LSAMP: variants seen among roughly 807,000 people sequenced by gnomAD.
The protein encoded by LSAMP is limbic system-associated membrane protein.
LSAMP carries 7 observed loss-of-function variants against 38.6 expected under a neutral mutation model. The ratio of observed to expected loss-of-function variants is 0.18; its 90% CI spans 0.10 to 0.34. The LOEUF is 0.34. Among genes scored for constraint, LSAMP ranks in the 10% least tolerant of loss-of-function variants. LSAMP has a pLI of 1.00. For missense variants in LSAMP, 313 were observed against 420.0 expected (o/e 0.75, Z 2.23); for synonymous variants, 154 against 166.8 (o/e 0.92, Z 0.59).
intron 1 of LSAMP, among the ~76,000 whole-genome samples, chr3:116,174,759 A>G (rs1372037065): frequency 6.6e-6 from 1 of 151,930 alleles, no homozygotes; most frequent in Non-Finnish European, 1.5e-5. Flanking sequence ...ACTCAATCCA[A>G]ATCATGGACA....
At chr3:116,125,928 G>A (rs1005718991) in intron 1 of LSAMP, among the ~76,000 whole-genome samples, 3 of 152,112 alleles carry the variant, frequency 2.0e-5, no homozygotes, top group Admixed American at 6.6e-5. Flanking sequence ...TCCTTCACAC[G>A]TTAAGAGATA....
chr3:116,422,705 A>C (rs1313078838), intron 1 of LSAMP, among the ~76,000 whole-genome samples: 1 of 152,222 alleles, frequency 6.6e-6, no homozygotes, highest in African/African-American at 2.4e-5. Flanking sequence ...TAATGAATTG[A>C]AATGAATATT....
chr3:115,975,592 T>C (rs769718414), intron 3 of LSAMP, among the ~76,000 whole-genome samples: 2 of 152,180 alleles, frequency 1.3e-5, no homozygotes, highest in South Asian at 2.1e-4. Flanking sequence ...TGAATGGAGA[T>C]GACTCATTCA....
At chr3:115,979,665 T>C (rs1939301902) in intron 3 of LSAMP, among the ~76,000 whole-genome samples, 1 of 152,092 alleles carries the variant, frequency 6.6e-6, no homozygotes, top group Admixed American at 6.5e-5. Flanking sequence ...TTGAGGAATC[T>C]CCATTGCCTA....
intron 1 of LSAMP, among the ~76,000 whole-genome samples, chr3:116,227,758 T>C (rs1452678931): frequency 6.6e-6 from 1 of 152,098 alleles, no homozygotes; most frequent in Admixed American, 6.6e-5. Flanking sequence ...GTTTATTAAA[T>C]AATAAACAGA....
intron 1 of LSAMP, among the ~76,000 whole-genome samples, chr3:116,184,616 T>C (rs979197892): frequency 6.6e-6 from 1 of 151,956 alleles, no homozygotes; most frequent in South Asian, 2.1e-4. Flanking sequence ...GGTTTGAAGA[T>C]TGTGTTGCAG....
At chr3:116,282,137 G>A (rs1051750849) in intron 1 of LSAMP, among the ~76,000 whole-genome samples, 5 of 152,192 alleles carry the variant, frequency 3.3e-5, no homozygotes, top group African/African-American at 1.2e-4. Context: ...CTGCGCTCAT[G>A]CTGGGCAGGA....
intron 1 of LSAMP, among the ~76,000 whole-genome samples, chr3:116,185,030 C>CTTTTTTTTTTTTTTTT (rs368314567): frequency 8.5e-5 from 10 of 117,744 alleles, no homozygotes; most frequent in African/African-American, 1.6e-4. Flanking sequence ...TTCTTTCTTT[C>CTTTTTTTTTTTTTTTT]TTTTTTTTTT....
At chr3:116,065,117 C>CA (rs1157295196) in intron 2 of LSAMP, among the ~76,000 whole-genome samples, 1 of 151,968 alleles carries the variant, frequency 6.6e-6, no homozygotes, top group Admixed American at 6.6e-5. Context: ...CAACATATCC[C>CA]AAAAAAAGTC....
At chr3:116,021,128 ATT>A (rs1940627458) in intron 2 of LSAMP, among the ~76,000 whole-genome samples, 1 of 152,116 alleles carries the variant, frequency 6.6e-6, no homozygotes, top group African/African-American at 2.4e-5. Context: ...GGGACTGGTC[ATT>A]ACCAGTCAAA....
intron 3 of LSAMP, among the ~76,000 whole-genome samples, chr3:115,960,463 A>T (rs1297239558): frequency 6.6e-6 from 1 of 152,214 alleles, no homozygotes; most frequent in Non-Finnish European, 1.5e-5. Context: ...GAGAAAACAC[A>T]CCAGGGCCTG....
At chr3:116,288,930 C>T (rs569475656) in intron 1 of LSAMP, among the ~76,000 whole-genome samples, 4 of 152,270 alleles carry the variant, frequency 2.6e-5, no homozygotes, top group South Asian at 4.1e-4. Flanking sequence ...AATGTTTAAA[C>T]CATTTCACAC....
chr3:116,239,028 C>A lies in LSAMP; in HGVS notation c.156-152472G>T, dbSNP rs552157051. On this transcript the variant is annotated intron_variant, in intron 1 of 6. Coordinates refer to ENST00000490035, the MANE Select transcript of LSAMP (RefSeq NM_002338.5). Reference sequence around the variant, plus strand: ...GAGAGTGCATTTAGCTTAGTTCTCTCCACGTGGCTAGGCATAGCTATGCTT... The same window carrying A: ...GAGAGTGCATTTAGCTTAGTTCTCTACACGTGGCTAGGCATAGCTATGCTT... 3.3e-5 allele frequency among the ~76,000 whole-genome samples: 5 copies of A among 152,250 alleles called. No homozygotes were observed. The South Asian group carries it at 1.0e-3, about 32-fold the overall frequency.
intron 6 of LSAMP, among the ~76,000 whole-genome samples, chr3:115,816,329 C>T (rs776132651): frequency 3.3e-5 from 5 of 152,148 alleles, no homozygotes; most frequent in Non-Finnish European, 5.9e-5. Flanking sequence ...ACCATGAATA[C>T]TTAAGAAAGG....
intron 3 of LSAMP, among the ~76,000 whole-genome samples, chr3:115,923,203 A>G (rs921767914): frequency 2.0e-5 from 3 of 152,166 alleles, no homozygotes; most frequent in Admixed American, 1.3e-4. Context: ...TGAGACAGAA[A>G]CCAATCATTT....
chr3:115,980,403 G>C lies in LSAMP; in HGVS notation c.514+39112C>G, dbSNP rs373889023. On this transcript the variant is annotated intron_variant, in intron 3 of 6. Transcript: ENST00000490035. The stretch of plus-strand genomic sequence containing the variant: ...TTTCCAACTCCTCAATCTTTTTTCT[G>C]TGTAAAAGGAAAATAAGCCCTATGG... 3.3e-5 allele frequency among the ~76,000 whole-genome samples: 5 copies of C among 152,004 alleles called. 1 individual carries two copies. The highest frequency in any genetic ancestry group is 1.2e-4 in the African/African-American group (5 of 41,454).
chr3:115,881,809 T>C (rs543329220), intron 3 of LSAMP, among the ~76,000 whole-genome samples: 1 of 152,254 alleles, frequency 6.6e-6, no homozygotes, highest in South Asian at 2.1e-4. Context: ...AATAAATATT[T>C]ATTGATTATT....
At chr3:115,844,499 G>C (rs144001928) in intron 4 of LSAMP, among the ~76,000 whole-genome samples, 1 of 152,186 alleles carries the variant, frequency 6.6e-6, no homozygotes, top group African/African-American at 2.4e-5. Flanking sequence ...TAATGCAATA[G>C]TTGGTAATAG....
At chr3:116,209,301 A>G (rs1184648532) in intron 1 of LSAMP, among the ~76,000 whole-genome samples, 2 of 152,028 alleles carry the variant, frequency 1.3e-5, no homozygotes, top group South Asian at 4.1e-4. Context: ...CCACTGTCTG[A>G]CACTCCCTAG....
Sources: allele counts gnomAD v4.1 joint callset (sites outside exome capture counted in the v4.1 genomes callset), GRCh38; gene constraint gnomAD v4.1.1; transcripts MANE v1.5; gene names NCBI Gene and HGNC (gene_info 2026-07-23, HGNC 2026-07-21).